The following FZD4 variants were observed in gnomAD, a reference collection of about 807,000 sequenced individuals.
The protein encoded by FZD4 is frizzled-4.
A neutral mutation model predicts 37.3 loss-of-function variants in FZD4; 16 were observed. The observed-to-expected ratio is 0.43, with a 90% confidence interval of 0.29 to 0.65. FZD4 has a LOEUF of 0.65. FZD4 is among the 30% of genes least tolerant of loss of function. The pLI, the probability that FZD4 is intolerant of heterozygous loss-of-function variation, is 0.16. For synonymous variants in FZD4, 246 were observed against 254.8 expected, an observed-to-expected ratio of 0.97 and a Z score of 0.33; for missense variants, 599 against 674.3, an observed-to-expected ratio of 0.89 and a Z score of 1.24.
Position 86,955,013 on chromosome 11 carries a change from G to C in FZD4, c.73C>G (p.Leu25Val), listed in dbSNP as rs746558042. The C allele has an allele frequency of 3.7e-6, 6 of 1,612,776 alleles. No individual in the cohort carries two copies. In the Admixed American group the frequency reaches 1.0e-4, roughly 27 times the overall value. Residue 25 changes from leucine (L) to valine (V), a missense_variant, in exon 1 of 2, where the codon CTG becomes GTG. Leu to Val is a conservative substitution (Grantham distance 32). This residue lies in a region of FZD4 where 357 missense variants were observed against 396.1 expected (regional missense o/e 0.90). Transcript: ENST00000531380. Reference sequence around the variant, plus strand: ...GGCCCCAGGAGCAGCAGCAACTGCAGGAGCAACCCCAGACTGAGACCGACG... The same window carrying C: ...GGCCCCAGGAGCAGCAGCAACTGCACGAGCAACCCCAGACTGAGACCGACG... ...GGVGLSLGLL[L>V]QLLLLLGPAR...
At position 86,949,900 on chromosome 11, in the gene FZD4, G is replaced by A. The variant is rs1177774885; in HGVS notation, c.*1242C>T. 2.0e-5 allele frequency: 3 copies of A among 152,660 alleles called. No individual in the cohort carries two copies. Among genetic ancestry groups the A allele is most frequent in the Admixed American group, 1.3e-4 (2 of 15,286 alleles). The allele number at this position is 152,660 out of a possible 1,614,324, so 9.5% of individuals were successfully genotyped here. A position where few individuals can be genotyped will look rare whatever the true frequency, so the allele number is the denominator to read the frequency against. On this transcript the variant is annotated 3_prime_UTR_variant, in exon 2 of 2. Transcript: ENST00000531380. ...CTAGGAAACAATTACGCACCAAGTA[G>A]TTGGATTAGCTGTCCTCAGTTCCCT...
rs1423419097 is a variant in FZD4, at chr11:86,955,120, G to T, written c.-35C>A. The T allele has an allele frequency of 1.4e-6, 2 of 1,426,520 alleles. No homozygotes were observed. The highest frequency in any genetic ancestry group is 1.5e-5 in the South Asian group (1 of 66,526). The allele number at this position is 1,426,520 out of a possible 1,614,324, so 88.4% of individuals were successfully genotyped here. A position where few individuals can be genotyped will look rare whatever the true frequency, so the allele number is the denominator to read the frequency against. On this transcript the variant is annotated 5_prime_UTR_variant, in exon 1 of 2. Coordinates refer to ENST00000531380, the MANE Select transcript of FZD4 (RefSeq NM_012193.4). ...CGGGGGTAGCAGCGGCAGCGGCTGG[G>T]GCTGCTCTGGCAGACACCCCCAGTT...
Position 86,951,563 on chromosome 11 carries a change from TA to T in FZD4, c.1192del (p.Tyr398IlefsTer33). On this transcript the variant is annotated frameshift_variant, in exon 2 of 2. Transcript: ENST00000531380. LOFTEE classifies it high-confidence loss of function. ...AATGAACAAAGTTCCAATGACCAAA[TA>T]AGTAAAGAGGGGAGCCACCACGAAC... is the stretch of plus-strand genomic sequence containing the variant. ...TGFVVAPLFT[Y>X]LVIGTLFIAA... 1 of 1,613,990 alleles carries T rather than the reference TA, an allele frequency of 6.2e-7. No individual in the cohort carries two copies. Among genetic ancestry groups the T allele is most frequent in the Non-Finnish European group, 8.5e-7 (1 of 1,179,980 alleles).
Position 86,951,195 on chromosome 11 carries a change from T to C in FZD4, c.1561A>G (p.Lys521Glu), listed in dbSNP as rs544964220. The change falls in exon 2 of 2, where the codon AAG (lysine) becomes GAG (glutamate). Residue 521 changes from lysine to glutamate, a missense_variant. Physicochemically the swap from Lys to Glu is moderately conservative, Grantham distance 56. Around this residue, in one of 3 missense-constraint regions of FZD4, gnomAD observed 203 missense variants for 196.8 expected, o/e 1.03. Transcript: ENST00000531380. ...GGCTTCACCCAACCATTTCCTCTCT[T>C]CTCTCTCTTTACCTTTCCAGAATTC... ...LVNSGKVKRE[K>E]RGNGWVKPGK... 2 of 1,613,834 alleles carry C rather than the reference T, an allele frequency of 1.2e-6. No homozygotes were observed. Among genetic ancestry groups the C allele is most frequent in the Non-Finnish European group, 1.7e-6 (2 of 1,179,876 alleles).
chr11:86,954,304 C>T, intron 1 of FZD4: 1 of 985,208 alleles, frequency 1.0e-6, no homozygotes, highest in Non-Finnish European at 1.2e-6. Flanking sequence ...CTCCTTCATG[C>T]ATGACCTCTA....
At chr11:86,952,635 C>G in intron 1 of FZD4, 165 bp from the exon 2 acceptor site, 2 of 662,480 alleles carry the variant, frequency 3.0e-6, no homozygotes, top group Non-Finnish European at 5.2e-6. Flanking sequence ...AACAAGGGCG[C>G]CTGATAATCC....
chr11:86,951,443 C>A lies in FZD4; in HGVS notation c.1313G>T (p.Gly438Val). ...AACTGTGTACAGTACTGAGAACACC[C>A]CAATCTTGACCATCAGTCTTTCTAA... The part of the protein sequence containing the change: ...DKLERLMVKI[G>V]VFSVLYTVPA... The change falls in exon 2 of 2, where the codon GGG (glycine) becomes GTG (valine). Residue 438 changes from glycine (G) to valine (V), a missense_variant. Physicochemically the swap from Gly to Val is moderately radical, Grantham distance 109. Around this residue, in one of 3 missense-constraint regions of FZD4, gnomAD observed 203 missense variants for 196.8 expected, o/e 1.03. Transcript: ENST00000531380. The A allele has an allele frequency of 1.2e-6, 2 of 1,613,432 alleles. No homozygotes were observed. Among genetic ancestry groups the A allele is most frequent in the Non-Finnish European group, 1.7e-6 (2 of 1,179,340 alleles).
At chr11:86,953,670 G>A (rs1427168501) in intron 1 of FZD4, among the ~76,000 whole-genome samples, 1 of 151,926 alleles carries the variant, frequency 6.6e-6, no homozygotes, top group Non-Finnish European at 1.5e-5. Context: ...AGGCTAGAGT[G>A]CAATGGTGCA....
rs1949267518 is a variant in FZD4 at position 86,948,997 on chromosome 11, A to G, written c.*2145T>C. On this transcript the variant is annotated 3_prime_UTR_variant, in exon 2 of 2. Coordinates refer to ENST00000531380, the MANE Select transcript of FZD4 (RefSeq NM_012193.4). ...CCGTGGACAGTTATGGGAACTGTCTACAAGCAGCACAGGGAGTTCACATTT... is the reference window on the plus strand; with the variant it reads ...CCGTGGACAGTTATGGGAACTGTCTGCAAGCAGCACAGGGAGTTCACATTT... 6.6e-6 allele frequency: 1 copy of G among 152,600 alleles called. No homozygotes were observed. Among genetic ancestry groups the G allele is most frequent in the Non-Finnish European group, 1.5e-5 (1 of 68,052 alleles). The allele number at this position is 152,600 out of a possible 1,614,324, so 9.5% of individuals were successfully genotyped here.
intron 1 of FZD4, among the ~76,000 whole-genome samples, chr11:86,953,319 T>A (rs140295117): frequency 9.2e-5 from 14 of 152,334 alleles, no homozygotes; most frequent in African/African-American, 3.4e-4. Context: ...ATACATGTAA[T>A]TAAAAATATA....
In FZD4 at chr11:86,952,482, A is replaced by G; in HGVS notation, c.286-12T>C. The stretch of plus-strand genomic sequence containing the variant: ...GAACAAAGGAAGAACTGGAAAAGTA[A>G]CAAAATGAACACACACAAAAAAAAC... On this transcript the variant is annotated splice_polypyrimidine_tract_variant and intron_variant, in intron 1 of 1. Coordinates refer to ENST00000531380, the MANE Select transcript of FZD4 (RefSeq NM_012193.4). The G allele has an allele frequency of 6.2e-7, 1 of 1,610,248 alleles. No individual in the cohort carries two copies. The highest frequency in any genetic ancestry group is 1.1e-5 in the South Asian group (1 of 90,970).
At position 86,948,280 on chromosome 11, in the gene FZD4, G is replaced by A. The variant is rs978727605; in HGVS notation, c.*2862C>T. 3 of 152,182 alleles carry A rather than the reference G, an allele frequency of 2.0e-5. No individual in the cohort carries two copies. Among genetic ancestry groups the A allele is most frequent in the South Asian group, 2.1e-4 (1 of 4,818 alleles). 9.4% of individuals were successfully genotyped at this position (152,182 alleles called of 1,614,324 possible). On this transcript the variant is annotated 3_prime_UTR_variant, in exon 2 of 2. Coordinates refer to ENST00000531380, the MANE Select transcript of FZD4 (RefSeq NM_012193.4). Reference sequence around the variant, plus strand: ...AGAGGTCCCTGCTCCTTTCCCAGAGGAACAGTAAAGTTCAGCAGACCTGGG... The same window carrying A: ...AGAGGTCCCTGCTCCTTTCCCAGAGAAACAGTAAAGTTCAGCAGACCTGGG...
In FZD4 at chr11:86,955,167, C is replaced by T. The variant is rs1020320912; in HGVS notation, c.-82G>A. 8.9e-6 allele frequency: 10 copies of T among 1,124,384 alleles called. No individual in the cohort carries two copies. The highest frequency in any genetic ancestry group is 1.9e-5 in the South Asian group (1 of 52,484). The allele number at this position is 1,124,384 out of a possible 1,614,324, so 69.7% of individuals were successfully genotyped here. A position where few individuals can be genotyped will look rare whatever the true frequency, so the allele number is the denominator to read the frequency against. On this transcript the variant is annotated 5_prime_UTR_variant, in exon 1 of 2. Coordinates refer to ENST00000531380, the MANE Select transcript of FZD4 (RefSeq NM_012193.4). ...AGTTTGCACGGGGGCGCCGGCTGCC[C>T]GCGCTGCTCCCAGCTCCCGGGACGG...
In FZD4 at chr11:86,952,211, T is replaced by A; in HGVS notation, c.545A>T (p.His182Leu). ...CTGATCAGAATTGGTTCCCACAGAG[T>A]GACACTCTTCCCCAGGCTGGATGGG... The part of the protein sequence containing the change: ...KTPIQPGEEC[H>L]SVGTNSDQYI... Residue 182 changes from histidine (H) to leucine (L), a missense_variant, in exon 2 of 2, where the codon CAC becomes CTC. By Grantham distance (99) the His-to-Leu change is moderately conservative (BLOSUM62 -3). Coordinates refer to ENST00000531380, the MANE Select transcript of FZD4 (RefSeq NM_012193.4). 6.2e-7 allele frequency: 1 copy of A among 1,613,828 alleles called. No individual in the cohort carries two copies. Among genetic ancestry groups the A allele is most frequent in the Non-Finnish European group, 8.5e-7 (1 of 1,179,814 alleles).
At position 86,949,009 on chromosome 11, in the gene FZD4, G is replaced by A. The variant is rs1051830431; in HGVS notation, c.*2133C>T. 2 of 152,590 alleles carry A rather than the reference G, an allele frequency of 1.3e-5. No homozygotes were observed. Among genetic ancestry groups the A allele is most frequent in the African/African-American group, 4.8e-5 (2 of 41,450 alleles). The allele number at this position is 152,590 out of a possible 1,614,324, so 9.5% of individuals were successfully genotyped here. ...ATGGGAACTGTCTACAAGCAGCACA[G>A]GGAGTTCACATTTTACATTTCATAG... On this transcript the variant is annotated 3_prime_UTR_variant, in exon 2 of 2. Coordinates refer to ENST00000531380, the MANE Select transcript of FZD4 (RefSeq NM_012193.4).
At chr11:86,954,400 G>A in intron 1 of FZD4, 3 of 985,164 alleles carry the variant, frequency 3.0e-6, no homozygotes, top group Non-Finnish European at 3.6e-6. Flanking sequence ...AAAAATAGTG[G>A]GGAGAAGGAA....
rs1345572547 is a variant in FZD4 at position 86,948,055 on chromosome 11, T to C, written c.*3087A>G. The C allele has an allele frequency of 1.3e-5, 2 of 150,136 alleles. No homozygotes were observed. The highest frequency in any genetic ancestry group is 2.5e-5 in the African/African-American group (1 of 39,480). 9.3% of individuals were successfully genotyped at this position (150,136 alleles called of 1,614,324 possible). A position where few individuals can be genotyped will look rare whatever the true frequency, so the allele number is the denominator to read the frequency against. On this transcript the variant is annotated 3_prime_UTR_variant, in exon 2 of 2. Transcript: ENST00000531380. The stretch of plus-strand genomic sequence containing the variant: ...CCCATGTCCTTGTGGCCTACTCTCA[T>C]AGTCTTCCTAAGGGATTTCTCCAGA...
rs1949325075 is a variant in FZD4 at position 86,955,068 on chromosome 11, T to G, written c.18A>C (p.Ala6=). 6.4e-7 allele frequency: 1 copy of G among 1,569,350 alleles called. No homozygotes were observed. The highest frequency in any genetic ancestry group is 8.6e-7 in the Non-Finnish European group (1 of 1,161,546). Residue 6 remains alanine, a synonymous_variant, in exon 1 of 2, where the codon GCA becomes GCC. Coordinates refer to ENST00000531380, the MANE Select transcript of FZD4 (RefSeq NM_012193.4). MAWRG[A]GPSVPGAPGG... ...CGGGCGCCCCCGGGACGCTCGGCCC[T>G]GCGCCCCGCCAGGCCATGGCCAGCA...
At position 86,950,071 on chromosome 11, in the gene FZD4, T is replaced by A. The variant is rs1261327930; in HGVS notation, c.*1071A>T. 1 of 152,396 alleles carries A rather than the reference T, an allele frequency of 6.6e-6. No homozygotes were observed. The highest frequency in any genetic ancestry group is 1.5e-5 in the Non-Finnish European group (1 of 68,034). The allele number at this position is 152,396 out of a possible 1,614,324, so 9.4% of individuals were successfully genotyped here. ...GACCATAGTTTTAAAGTCAGTTGAGTATACTATGTCATGGTCCAACAATGT... is the reference window on the plus strand; with the variant it reads ...GACCATAGTTTTAAAGTCAGTTGAGAATACTATGTCATGGTCCAACAATGT... On this transcript the variant is annotated 3_prime_UTR_variant, in exon 2 of 2. Transcript: ENST00000531380.
Sources: allele counts gnomAD v4.1 joint callset (sites outside exome capture counted in the v4.1 genomes callset), GRCh38; gene constraint gnomAD v4.1.1; regional missense constraint gnomAD v4.1.1; transcripts MANE v1.5; gene names NCBI Gene and HGNC (gene_info 2026-07-23, HGNC 2026-07-21).